The following MGAT4C variants were observed in gnomAD, a reference collection of about 807,000 sequenced individuals.
The protein encoded by MGAT4C is MGAT4 family member C, also known as alpha-1,3-mannosyl-glycoprotein 4-beta-N-acetylglucosaminyltransferase C.
Under a neutral mutation model 40.1 loss-of-function variants are expected in MGAT4C, and 19 were observed. The observed-to-expected ratio is 0.47, with a 90% CI of 0.33 to 0.70. The LOEUF (loss-of-function observed/expected upper bound fraction) is 0.70, where lower values mean the gene tolerates loss of function less well. Ranked by LOEUF, MGAT4C falls within the 30% of genes least tolerant of loss-of-function variation. The pLI, the probability that MGAT4C is intolerant of heterozygous loss-of-function variation, is 0.02. For synonymous variants in MGAT4C, 181 were observed against 187.1 expected (o/e 0.97, Z 0.27); for missense variants, 491 against 563.2 (o/e 0.87, Z 1.30).
At chr12:86,778,120 T>C (rs1325858662) in intron 1 of MGAT4C, among the ~76,000 whole-genome samples, 1 of 152,100 alleles carries the variant, frequency 6.6e-6, no homozygotes, top group Non-Finnish European at 1.5e-5. Context: ...AAAGCAGCTT[T>C]CTATCATATA....
chr12:86,324,988 A>T (rs2136166387), intron 4 of MGAT4C, among the ~76,000 whole-genome samples: 1 of 152,232 alleles, frequency 6.6e-6, no homozygotes, highest in African/African-American at 2.4e-5. Flanking sequence ...CTATTCTGTT[A>T]CTTGGTATAA....
intron 2 of MGAT4C, among the ~76,000 whole-genome samples, chr12:86,512,760 T>C (rs1203729001): frequency 3.3e-5 from 5 of 152,080 alleles, no homozygotes; most frequent in Admixed American, 3.3e-4. Context: ...AGAATGGTGG[T>C]TGCCAGAAGA....
chr12:86,532,745 ATT>A (rs2136374664), intron 2 of MGAT4C, among the ~76,000 whole-genome samples: 1 of 152,096 alleles, frequency 6.6e-6, no homozygotes, highest in Non-Finnish European at 1.5e-5. Flanking sequence ...TATGAATGCC[ATT>A]TTATGTATTT....
chr12:86,186,313 C>T (rs1318351474), intron 1 of MGAT4C, among the ~76,000 whole-genome samples: 1 of 152,068 alleles, frequency 6.6e-6, no homozygotes, highest in East Asian at 1.9e-4. Flanking sequence ...AAGTCACATC[C>T]CCAAAAGGCA....
chr12:86,537,239 G>A (rs1416338306), intron 2 of MGAT4C, among the ~76,000 whole-genome samples: 3 of 151,928 alleles, frequency 2.0e-5, no homozygotes, highest in Non-Finnish European at 2.9e-5. Context: ...GGGGAGAGGG[G>A]AGGGATAGCA....
chr12:86,013,645 G>A, intron 2 of MGAT4C: 1 of 694,264 alleles, frequency 1.4e-6, no homozygotes, highest in African/African-American at 2.0e-5. Flanking sequence ...CTGTGAACGT[G>A]TACTATTCTT....
chr12:86,138,457 A>G lies in MGAT4C; in HGVS notation c.-56-88734T>C, dbSNP rs1377219328. 2.0e-5 allele frequency among the ~76,000 whole-genome samples: 3 copies of G among 148,192 alleles called. No individual in the cohort carries two copies. The East Asian group carries it at 5.9e-4, about 29-fold the overall frequency. ...TCAACAAACATTGTATATAACATAT[A>G]TATATATTTCCATATATATCCATAT... On this transcript the variant is annotated intron_variant, in intron 1 of 4. Coordinates refer to ENST00000611864, the MANE Select transcript of MGAT4C (RefSeq NM_001351288.2).
chr12:86,035,282 C>A (rs1049953357), intron 2 of MGAT4C, among the ~76,000 whole-genome samples: 3 of 149,696 alleles, frequency 2.0e-5, no homozygotes, highest in Admixed American at 6.7e-5. Flanking sequence ...CATGAAACAG[C>A]ATCTTGGTAT....
intron 2 of MGAT4C, among the ~76,000 whole-genome samples, chr12:86,704,419 A>C (rs1016115880): frequency 8.5e-5 from 13 of 152,102 alleles, no homozygotes; most frequent in African/African-American, 2.4e-4. Context: ...GGAAAAAAAA[A>C]CATATACATG....
rs148605002 is a variant in MGAT4C, at chr12:86,072,293, G to A, written c.-56-22570C>T. ...GAAAAGTCTTTCTGAAGAAAGCAAA[G>A]TAAGAGCTTTTTTAGAATTTCCTAA... On this transcript the variant is annotated intron_variant, in intron 1 of 4. Transcript: ENST00000611864. 7.4e-3 allele frequency among the ~76,000 whole-genome samples: 1,127 copies of A among 152,088 alleles called. 9 individuals carry two copies. The highest frequency in any genetic ancestry group is 0.011 in the Non-Finnish European group (767 of 67,962).
intron 1 of MGAT4C, among the ~76,000 whole-genome samples, chr12:86,164,293 G>C (rs1885941365): frequency 6.6e-6 from 1 of 152,144 alleles, no homozygotes; most frequent in African/African-American, 2.4e-5. Context: ...AAGGTAAGTT[G>C]CCAGCAAATT....
chr12:86,341,214 G>C (rs1954898497), intron 3 of MGAT4C, among the ~76,000 whole-genome samples: 1 of 152,098 alleles, frequency 6.6e-6, no homozygotes, highest in African/African-American at 2.4e-5. Context: ...CCCCAGCCCA[G>C]GGAAGCCATA....
At chr12:86,147,241 AT>A (rs1883645191) in intron 1 of MGAT4C, among the ~76,000 whole-genome samples, 1 of 151,570 alleles carries the variant, frequency 6.6e-6, no homozygotes. Context: ...GCAGAAATTT[AT>A]TAAATTTTTT....
At chr12:86,261,794 T>C (rs1190764000) in intron 4 of MGAT4C, among the ~76,000 whole-genome samples, 1 of 152,044 alleles carries the variant, frequency 6.6e-6, no homozygotes, top group African/African-American at 2.4e-5. Context: ...AGAATTACAG[T>C]GAAGGGAAGT....
intron 2 of MGAT4C, among the ~76,000 whole-genome samples, chr12:86,723,934 T>C (rs1307166379): frequency 1.3e-5 from 2 of 152,200 alleles, no homozygotes; most frequent in African/African-American, 4.8e-5. Flanking sequence ...ATTTCTGAAA[T>C]TGTGTGTTCA....
At position 85,975,410 on chromosome 12, in the gene MGAT4C, G is replaced by A. The variant is rs1883899425; in HGVS notation, c.*3879C>T. The A allele has an allele frequency of 6.7e-6, 1 of 148,762 alleles. No individual in the cohort carries two copies. The highest frequency in any genetic ancestry group is 1.5e-5 in the Non-Finnish European group (1 of 66,034). 9.2% of individuals were successfully genotyped at this position (148,762 alleles called of 1,614,324 possible). A position where few individuals can be genotyped will look rare whatever the true frequency, so the allele number is the denominator to read the frequency against. On this transcript the variant is annotated 3_prime_UTR_variant, in exon 5 of 5. Transcript: ENST00000611864. ...TATCTCAATTCCAGCTCTACAAGGA[G>A]CTACAAGGTAAAATTGCTACCTTTA...
intron 1 of MGAT4C, among the ~76,000 whole-genome samples, chr12:86,742,100 G>T: frequency 6.6e-6 from 1 of 150,998 alleles, no homozygotes; most frequent in Admixed American, 6.6e-5. Context: ...GGTTTCTTGG[G>T]TCACCTTCTG....
intron 1 of MGAT4C, among the ~76,000 whole-genome samples, chr12:86,150,992 A>C (rs139217981): frequency 6.6e-6 from 1 of 152,298 alleles, no homozygotes; most frequent in Non-Finnish European, 1.5e-5. Flanking sequence ...ATGCCAGTGC[A>C]ATTGAACTCA....
At chr12:86,179,896 G>T (rs1479834289) in intron 1 of MGAT4C, among the ~76,000 whole-genome samples, 1 of 152,212 alleles carries the variant, frequency 6.6e-6, no homozygotes, top group Non-Finnish European at 1.5e-5. Context: ...GCTGGCTGCA[G>T]AAATTTGCAT....
Sources: allele counts gnomAD v4.1 joint callset (sites outside exome capture counted in the v4.1 genomes callset), GRCh38; gene constraint gnomAD v4.1.1; transcripts MANE v1.5; gene names NCBI Gene and HGNC (gene_info 2026-07-23, HGNC 2026-07-21).